The following LRRTM4 variants were observed in gnomAD, a reference collection of about 807,000 sequenced individuals.
The protein encoded by LRRTM4 is leucine rich repeat transmembrane neuronal 4, also known as leucine-rich repeat transmembrane neuronal protein 4.
In LRRTM4, 25 loss-of-function variants were observed where a neutral mutation model predicts 47.6. That is an observed-to-expected ratio of 0.53 (90% CI 0.38 to 0.73). The LOEUF is 0.73. LRRTM4 is among the 30% of genes least tolerant of loss of function. The probability of loss-of-function intolerance (pLI) is 0.00; values close to 1 mark genes in which losing one functional copy is unlikely to be tolerated. For synonymous variants in LRRTM4, 311 were observed against 269.5 expected (o/e 1.15, Z -1.51); for missense variants, 638 against 713.4 (o/e 0.89, Z 1.20).
chr2:77,204,212 G>A (rs1674057609), intron 3 of LRRTM4, among the ~76,000 whole-genome samples: 1 of 152,158 alleles, frequency 6.6e-6, no homozygotes, highest in Admixed American at 6.6e-5. Flanking sequence ...GTAGCTGGGT[G>A]GGCCAGGGTG....
At chr2:77,419,504 G>A (rs995438672) in intron 3 of LRRTM4, among the ~76,000 whole-genome samples, 9 of 152,122 alleles carry the variant, frequency 5.9e-5, no homozygotes, top group Non-Finnish European at 1.0e-4. Context: ...CAATGTAAGT[G>A]CTATGTAAAT....
At chr2:77,147,484 A>G (rs1054762000) in intron 3 of LRRTM4, among the ~76,000 whole-genome samples, 4 of 152,176 alleles carry the variant, frequency 2.6e-5, no homozygotes, top group Non-Finnish European at 5.9e-5. Flanking sequence ...TGTCATGTAC[A>G]TTATGCCATC....
intron 3 of LRRTM4, among the ~76,000 whole-genome samples, chr2:77,161,575 G>T (rs980891663): frequency 3.3e-5 from 5 of 151,958 alleles, no homozygotes; most frequent in Non-Finnish European, 7.4e-5. Context: ...AATAATAAAT[G>T]TTCTAGGCAT....
intron 3 of LRRTM4, among the ~76,000 whole-genome samples, chr2:77,218,235 C>T (rs1179803152): frequency 1.3e-5 from 2 of 152,208 alleles, no homozygotes; most frequent in Non-Finnish European, 2.9e-5. Flanking sequence ...CTCAGGCGAT[C>T]TGCCCACCTC....
chr2:77,012,121 C>A (rs1395330959), intron 3 of LRRTM4, among the ~76,000 whole-genome samples: 1 of 152,032 alleles, frequency 6.6e-6, no homozygotes, highest in East Asian at 1.9e-4. Context: ...TGAAACCATA[C>A]AGGGAATGAA....
chr2:76,908,959 C>T lies in LRRTM4; in HGVS notation c.1552-160043G>A, dbSNP rs186539917. Among the ~76,000 whole-genome samples, 60 of 152,262 alleles carry T rather than the reference C, an allele frequency of 3.9e-4. No individual in the cohort carries two copies. In the East Asian group the frequency reaches 0.011, roughly 28 times the overall value. The stretch of plus-strand genomic sequence containing the variant: ...ATTCAATGCCATCCCCATCAAGCTA[C>T]CAATGCCTTTCTTCACAGAATTGGA... On this transcript the variant is annotated intron_variant, in intron 3 of 3. Coordinates refer to ENST00000409884, the MANE Select transcript of LRRTM4 (RefSeq NM_001134745.3).
chr2:76,973,050 A>T (rs1408210632), intron 3 of LRRTM4, among the ~76,000 whole-genome samples: 1 of 152,060 alleles, frequency 6.6e-6, no homozygotes, highest in Non-Finnish European at 1.5e-5. Context: ...CCAGGACACT[A>T]AAACAATGAA....
rs563025847 is a variant in LRRTM4, at chr2:77,108,784, C to T, written c.1552-359868G>A. ...ATTTTTAGTAGAGACGGGGTTTCAC[C>T]GTTTTAGCCGGGATGGTCTCGATCT... On this transcript the variant is annotated intron_variant, in intron 3 of 3. Transcript: ENST00000409884. 5.0e-3 allele frequency among the ~76,000 whole-genome samples: 756 copies of T among 151,758 alleles called. 6 individuals are homozygous for T. Among genetic ancestry groups the T allele is most frequent in the Non-Finnish European group, 6.8e-3 (461 of 67,892 alleles).
At chr2:76,793,299 G>T (rs748218546) in intron 3 of LRRTM4, among the ~76,000 whole-genome samples, 5 of 152,102 alleles carry the variant, frequency 3.3e-5, no homozygotes, top group Non-Finnish European at 5.9e-5. Context: ...TGGGTCATGG[G>T]TTAGCAAACA....
chr2:76,898,271 T>C (rs920450148), intron 3 of LRRTM4, among the ~76,000 whole-genome samples: 1 of 152,132 alleles, frequency 6.6e-6, no homozygotes, highest in Admixed American at 6.6e-5. Context: ...CAATTAGCAA[T>C]TTTAAATGGA....
intron 3 of LRRTM4, among the ~76,000 whole-genome samples, chr2:77,170,786 A>AGTTT (rs10665065): frequency 0.61 from 92,104 of 150,522 alleles, 28,202 homozygotes; most frequent in South Asian, 0.68. Flanking sequence ...TTTCTTTCTT[A>AGTTT]GTTTTTTCTA....
chr2:76,847,080 C>T (rs368426340), intron 3 of LRRTM4, among the ~76,000 whole-genome samples: 2 of 152,068 alleles, frequency 1.3e-5, no homozygotes, highest in African/African-American at 4.8e-5. Context: ...ATATCAAGAA[C>T]CAACTAGAGC....
chr2:77,137,664 A>G (rs927570568), intron 3 of LRRTM4, among the ~76,000 whole-genome samples: 1 of 152,192 alleles, frequency 6.6e-6, no homozygotes, highest in Non-Finnish European at 1.5e-5. Flanking sequence ...TCTCCAATCA[A>G]AAGACACAGA....
chr2:76,871,988 T>C (rs938213451), intron 3 of LRRTM4, among the ~76,000 whole-genome samples: 35 of 152,284 alleles, frequency 2.3e-4, no homozygotes, highest in African/African-American at 7.7e-4. Flanking sequence ...AGCAACTGGA[T>C]TGAAGCCTTG....
chr2:77,162,837 G>C (rs548697619), intron 3 of LRRTM4, among the ~76,000 whole-genome samples: 6 of 152,132 alleles, frequency 3.9e-5, no homozygotes, highest in Admixed American at 2.0e-4. Flanking sequence ...CATCATCAAA[G>C]ACTAAAGGTA....
intron 3 of LRRTM4, among the ~76,000 whole-genome samples, chr2:77,401,203 T>C (rs1484859667): frequency 6.6e-6 from 1 of 151,970 alleles, no homozygotes; most frequent in East Asian, 1.9e-4. Context: ...TGGGTCCCTC[T>C]GAATACCTGC....
intron 3 of LRRTM4, among the ~76,000 whole-genome samples, chr2:76,900,047 G>A (rs541647136): frequency 6.6e-6 from 1 of 152,076 alleles, no homozygotes; most frequent in Admixed American, 6.5e-5. Flanking sequence ...TGACCAATAT[G>A]GTGAAACCCA....
At chr2:77,230,721 G>A (rs1377166213) in intron 3 of LRRTM4, among the ~76,000 whole-genome samples, 4 of 152,096 alleles carry the variant, frequency 2.6e-5, no homozygotes, top group African/African-American at 9.7e-5. Context: ...AACAGAGTAA[G>A]TCCTCAGTTA....
At chr2:77,173,291 C>T (rs1336233619) in intron 3 of LRRTM4, among the ~76,000 whole-genome samples, 1 of 152,034 alleles carries the variant, frequency 6.6e-6, no homozygotes, top group African/African-American at 2.4e-5. Context: ...AGTAAAATAC[C>T]ATCTCAAGAG....
Sources: allele counts gnomAD v4.1 joint callset (sites outside exome capture counted in the v4.1 genomes callset), GRCh38; gene constraint gnomAD v4.1.1; transcripts MANE v1.5; gene names NCBI Gene and HGNC (gene_info 2026-07-23, HGNC 2026-07-21).